Variants in TPP2 observed in about 807,000 individuals in gnomAD.
TPP2 encodes tripeptidyl peptidase 2.
In TPP2, 34 loss-of-function variants were observed where a neutral mutation model predicts 155.9. The observed-to-expected ratio is 0.22, with a 90% CI of 0.17 to 0.29. The LOEUF (loss-of-function observed/expected upper bound fraction) is 0.29, where lower values mean the gene tolerates loss of function less well. Among genes scored for constraint, TPP2 ranks in the 10% least tolerant of loss-of-function variants. TPP2 has a pLI of 1.00. For synonymous variants in TPP2, 510 were observed against 529.4 expected (o/e 0.96, Z 0.50); for missense variants, 1,028 against 1,522.3 (o/e 0.68, Z 5.40).
chr13:102,668,899 A>G (rs1314192749), intron 27 of TPP2, among the ~76,000 whole-genome samples: 1 of 152,136 alleles, frequency 6.6e-6, no homozygotes, highest in Non-Finnish European at 1.5e-5. Flanking sequence ...TGTCGTCTGA[A>G]GAAGCTGCAT....
intron 20 of TPP2, among the ~76,000 whole-genome samples, chr13:102,646,935 A>C (rs901862807): frequency 3.3e-5 from 5 of 152,232 alleles, no homozygotes; most frequent in South Asian, 2.1e-4. Flanking sequence ...TTCACATTTC[A>C]GTTTTATAAA....
At chr13:102,600,199 T>C (rs888519530) in intron 1 of TPP2, among the ~76,000 whole-genome samples, 1 of 152,314 alleles carries the variant, frequency 6.6e-6, no homozygotes, top group Admixed American at 6.5e-5. Flanking sequence ...TGCCTCCCCT[T>C]GAACATTTCA....
chr13:102,620,631 C>T (rs770208705), intron 5 of TPP2, among the ~76,000 whole-genome samples: 9 of 152,078 alleles, frequency 5.9e-5, no homozygotes, highest in East Asian at 1.9e-4. Context: ...TGTTTGATGA[C>T]GAATGTCCAG....
chr13:102,649,283 G>C, intron 22 of TPP2, 125 bp from the exon 23 acceptor site: 1 of 1,437,324 alleles, frequency 7.0e-7, no homozygotes, highest in Non-Finnish European at 9.4e-7. Flanking sequence ...TTCTTCCTTT[G>C]ATTTTTGAAG....
intron 2 of TPP2, among the ~76,000 whole-genome samples, chr13:102,613,367 C>T (rs572754109): frequency 6.6e-6 from 1 of 152,312 alleles, no homozygotes; most frequent in South Asian, 2.1e-4. Flanking sequence ...CTGAGTGTTT[C>T]AACCTTGTCA....
chr13:102,632,263 GA>G (rs1311275455), intron 10 of TPP2, among the ~76,000 whole-genome samples: 6 of 147,076 alleles, frequency 4.1e-5, no homozygotes, highest in Non-Finnish European at 9.0e-5. Context: ...TTTCTTTCCT[GA>G]AACAGAGTCT....
chr13:102,598,998 A>T (rs531819125), intron 1 of TPP2, among the ~76,000 whole-genome samples: 8 of 152,346 alleles, frequency 5.3e-5, no homozygotes, highest in African/African-American at 1.7e-4. Flanking sequence ...CAGGTTTGTT[A>T]CATGGGGGTA....
intron 28 of TPP2, 140 bp downstream of exon 28, chr13:102,674,630 A>C: frequency 1.2e-6 from 1 of 815,482 alleles, no homozygotes; most frequent in Non-Finnish European, 1.9e-6. Context: ...TGTTTAGCCT[A>C]GTACTTCATG....
chr13:102,611,802 T>G (rs951563891), intron 2 of TPP2, among the ~76,000 whole-genome samples: 4 of 152,208 alleles, frequency 2.6e-5, no homozygotes, highest in Non-Finnish European at 5.9e-5. Context: ...TGGAAGTGAT[T>G]TTATATGCTT....
At chr13:102,618,696 T>C (rs746983929) in intron 4 of TPP2, 26 bp from the exon 5 acceptor site, 1 of 1,611,978 alleles carries the variant, frequency 6.2e-7, no homozygotes, top group South Asian at 1.1e-5. Flanking sequence ...AATGTACTAA[T>C]GTTAATCAGT....
At position 102,638,329 on chromosome 13, in the gene TPP2, T is replaced by G. The variant is rs761525783; in HGVS notation, c.1913+14T>G. 4.3e-6 allele frequency: 7 copies of G among 1,610,692 alleles called. No homozygotes were observed. Among genetic ancestry groups the G allele is most frequent in the East Asian group, 2.2e-5 (1 of 44,872 alleles). On this transcript the variant is annotated intron_variant, in intron 15 of 29. Coordinates refer to ENST00000376052, the MANE Select transcript of TPP2 (RefSeq NM_001330588.2). The stretch of plus-strand genomic sequence containing the variant: ...TATAGCAGCAAAGTAAGTAACAGGT[T>G]ACTCACAGCTTACTGGTACATCTAA...
chr13:102,656,918 T>C, intron 24 of TPP2, 138 bp from the exon 25 acceptor site: 2 of 846,630 alleles, frequency 2.4e-6, no homozygotes, highest in African/African-American at 1.8e-5. Flanking sequence ...TTTGGTGTAT[T>C]GTGACCCTTA....
chr13:102,636,329 G>A lies in TPP2; in HGVS notation c.1615G>A (p.Val539Ile), dbSNP rs767489526. The change falls in exon 13 of 30, where the codon GTT becomes ATT. Residue 539 changes from valine (V) to isoleucine (I), a missense_variant. This residue lies in a region of TPP2 where 325 missense variants were observed against 463.7 expected (regional missense o/e 0.70). Transcript: ENST00000376052. ...NNRGIYLRDP[V>I]QVAAPSDHGV... ...CCGTGGCATCTACCTCCGAGATCCT[G>A]TTCAGGTGGCTGCACCTTCAGATCA... 1 of 1,613,900 alleles carries A rather than the reference G, an allele frequency of 6.2e-7. No homozygotes were observed. Among genetic ancestry groups the A allele is most frequent in the Non-Finnish European group, 8.5e-7 (1 of 1,179,916 alleles).
At chr13:102,672,172 A>C (rs976403247) in intron 27 of TPP2, among the ~76,000 whole-genome samples, 3 of 152,178 alleles carry the variant, frequency 2.0e-5, no homozygotes, top group African/African-American at 7.2e-5. Context: ...TATCCAGTGA[A>C]ACAGCAGGCT....
chr13:102,664,320 T>C (rs1415726039), intron 26 of TPP2, among the ~76,000 whole-genome samples: 1 of 152,204 alleles, frequency 6.6e-6, no homozygotes, highest in African/African-American at 2.4e-5. Context: ...AGTTAGACTG[T>C]TGATTATAAT....
At chr13:102,639,803 G>A (rs930191549) in intron 15 of TPP2, among the ~76,000 whole-genome samples, 2 of 152,172 alleles carry the variant, frequency 1.3e-5, no homozygotes, top group Non-Finnish European at 2.9e-5. Context: ...TTTGAAAGTA[G>A]TTTGCCTTTC....
In TPP2 at chr13:102,654,833, A is replaced by G. The variant is rs561900488; in HGVS notation, c.2992-2223A>G. 5.1e-5 allele frequency: 21 copies of G among 409,428 alleles called. No individual in the cohort carries two copies. In the East Asian group the frequency reaches 1.5e-3, roughly 29 times the overall value. 25.4% of individuals were successfully genotyped at this position (409,428 alleles called of 1,614,324 possible). Reference sequence around the variant, plus strand: ...TGACACTGATGCAGTCTGTTTCCATAAGAACTTGGTGGTAGAAGATCAGCT... The same window carrying G: ...TGACACTGATGCAGTCTGTTTCCATGAGAACTTGGTGGTAGAAGATCAGCT... On this transcript the variant is annotated intron_variant, in intron 24 of 29. Transcript: ENST00000376052.
chr13:102,675,300 T>C (rs1223045938), intron 28 of TPP2, among the ~76,000 whole-genome samples: 2 of 152,182 alleles, frequency 1.3e-5, no homozygotes, highest in Non-Finnish European at 2.9e-5. Flanking sequence ...TCAGTTATAT[T>C]TGGGAAACTG....
intron 17 of TPP2, 82 bp from the exon 18 acceptor site, chr13:102,644,475 T>G (rs371038790): frequency 8.6e-7 from 1 of 1,165,486 alleles, no homozygotes; most frequent in Non-Finnish European, 1.2e-6. Context: ...AAAACAGAAT[T>G]GCTCTGAAAC....
Sources: gnomAD v4.1 joint callset for allele counts (sites outside exome capture counted in the v4.1 genomes callset) on GRCh38, gnomAD v4.1.1 for gene constraint, gnomAD v4.1.1 regional missense constraint, MANE v1.5 for transcripts, NCBI Gene and HGNC (gene_info 2026-07-23, HGNC 2026-07-21) for gene names.